The following LRMDA variants were observed in gnomAD, a reference collection of about 807,000 sequenced individuals.
The protein encoded by LRMDA is leucine-rich melanocyte differentiation-associated protein.
LRMDA carries 18 observed loss-of-function variants against 29.8 expected under a neutral mutation model. The observed-to-expected ratio is 0.60, with a 90% CI of 0.42 to 0.90. LRMDA has a LOEUF of 0.90. Ranked by LOEUF, LRMDA falls within the 40% of genes least tolerant of loss-of-function variation. LRMDA has a pLI of 0.00. For synonymous variants in LRMDA, 125 were observed against 109.4 expected (o/e 1.14, Z -0.89); for missense variants, 273 against 273.9 (o/e 1.00, Z 0.02).
At chr10:75,741,364 T>C (rs1356515882) in intron 2 of LRMDA, among the ~76,000 whole-genome samples, 3 of 152,050 alleles carry the variant, frequency 2.0e-5, no homozygotes, top group Non-Finnish European at 4.4e-5. Context: ...CTCTCTCTCA[T>C]GTTGACTCCT....
chr10:75,594,903 T>C (rs947495583), intron 2 of LRMDA, among the ~76,000 whole-genome samples: 12 of 152,182 alleles, frequency 7.9e-5, no homozygotes, highest in Admixed American at 4.6e-4. Context: ...TTTTTTCCTA[T>C]CCATGCCTCA....
intron 6 of LRMDA, among the ~76,000 whole-genome samples, chr10:76,414,124 C>G (rs193067085): frequency 6.6e-6 from 1 of 152,308 alleles, no homozygotes; most frequent in Non-Finnish European, 1.5e-5. Context: ...GCTATATGAA[C>G]TTGGACATGC....
intron 2 of LRMDA, among the ~76,000 whole-genome samples, chr10:75,692,239 T>C (rs1464775725): frequency 7.2e-6 from 1 of 139,056 alleles, no homozygotes; most frequent in African/African-American, 2.8e-5. Context: ...TATATATATA[T>C]ATATATATAC....
intron 5 of LRMDA, among the ~76,000 whole-genome samples, chr10:76,207,670 A>G (rs1413798456): frequency 6.6e-6 from 1 of 152,126 alleles, no homozygotes; most frequent in Non-Finnish European, 1.5e-5. Flanking sequence ...TCCATAAAAT[A>G]TGCTCACTGG....
At chr10:75,788,685 G>A (rs1280359352) in intron 2 of LRMDA, among the ~76,000 whole-genome samples, 1 of 152,210 alleles carries the variant, frequency 6.6e-6, no homozygotes. Flanking sequence ...AACCATTTAC[G>A]AGACACAGCT....
At chr10:75,589,779 G>T (rs34416834) in intron 2 of LRMDA, among the ~76,000 whole-genome samples, 110,062 of 146,764 alleles carry the variant, frequency 0.75, 40,954 homozygotes, top group Middle Eastern at 0.83. Context: ...TATATATATA[G>T]AGAGAGAGAG....
chr10:75,477,346 A>C (rs1282662905), intron 2 of LRMDA, among the ~76,000 whole-genome samples: 1 of 152,152 alleles, frequency 6.6e-6, no homozygotes, highest in Non-Finnish European at 1.5e-5. Context: ...CCTGTCTCCC[A>C]TTCTGAGAAT....
At chr10:76,057,186 C>T (rs1370340590) in intron 4 of LRMDA, among the ~76,000 whole-genome samples, 1 of 152,128 alleles carries the variant, frequency 6.6e-6, no homozygotes, top group Non-Finnish European at 1.5e-5. Flanking sequence ...GTCAGTAGAC[C>T]TCTTGCTCTG....
intron 5 of LRMDA, among the ~76,000 whole-genome samples, chr10:76,216,660 G>A (rs922997016): frequency 6.6e-6 from 1 of 152,112 alleles, no homozygotes; most frequent in Non-Finnish European, 1.5e-5. Context: ...ATCAAATGTT[G>A]GAGAGTATGT....
chr10:75,706,538 T>C (rs911459132), intron 2 of LRMDA, among the ~76,000 whole-genome samples: 1 of 152,262 alleles, frequency 6.6e-6, no homozygotes, highest in South Asian at 2.1e-4. Flanking sequence ...AAAAGTCATG[T>C]GGATGATACT....
intron 2 of LRMDA, among the ~76,000 whole-genome samples, chr10:75,985,979 G>C (rs1304691863): frequency 6.6e-6 from 1 of 152,218 alleles, no homozygotes; most frequent in African/African-American, 2.4e-5. Flanking sequence ...GTATCAACAG[G>C]AGTTGGTCAA....
chr10:75,665,013 C>G (rs111656872), intron 2 of LRMDA, among the ~76,000 whole-genome samples: 1 of 152,148 alleles, frequency 6.6e-6, no homozygotes, highest in African/African-American at 2.4e-5. Context: ...GTGACTTTCC[C>G]TGGCCCATCC....
At chr10:75,698,970 GC>G (rs1842272589) in intron 2 of LRMDA, among the ~76,000 whole-genome samples, 1 of 152,162 alleles carries the variant, frequency 6.6e-6, no homozygotes, top group Non-Finnish European at 1.5e-5. Context: ...GGAGGCTGAG[GC>G]GGGTGGATCA....
At chr10:75,689,079 T>C (rs1209146377) in intron 2 of LRMDA, among the ~76,000 whole-genome samples, 2 of 152,210 alleles carry the variant, frequency 1.3e-5, no homozygotes, top group Admixed American at 6.5e-5. Context: ...GATATTTGCT[T>C]TACTGTGGTG....
At chr10:75,808,394 C>G (rs1843895645) in intron 2 of LRMDA, among the ~76,000 whole-genome samples, 1 of 152,216 alleles carries the variant, frequency 6.6e-6, no homozygotes, top group Non-Finnish European at 1.5e-5. Context: ...TTTTGTGAGG[C>G]ACATCTTAAC....
chr10:75,723,358 C>T (rs1309363626), intron 2 of LRMDA, among the ~76,000 whole-genome samples: 1 of 152,212 alleles, frequency 6.6e-6, no homozygotes, highest in African/African-American at 2.4e-5. Flanking sequence ...AGAAAGTAGA[C>T]AACTGCATGG....
At chr10:75,675,181 C>A (rs2132147368) in intron 2 of LRMDA, among the ~76,000 whole-genome samples, 1 of 152,220 alleles carries the variant, frequency 6.6e-6, no homozygotes. Flanking sequence ...ATGGCTGATA[C>A]AAAGGAAAGC....
chr10:75,580,720 G>C (rs1564806153), intron 2 of LRMDA, among the ~76,000 whole-genome samples: 1 of 152,110 alleles, frequency 6.6e-6, no homozygotes, highest in Non-Finnish European at 1.5e-5. Context: ...CCAAAACAGA[G>C]ATATAGACCA....
At chr10:75,825,829 G>T (rs1844238409) in intron 2 of LRMDA, among the ~76,000 whole-genome samples, 1 of 152,162 alleles carries the variant, frequency 6.6e-6, no homozygotes, top group Non-Finnish European at 1.5e-5. Context: ...TGGGGGTTGA[G>T]AACTCATAAG....
Sources: allele counts gnomAD v4.1 joint callset (sites outside exome capture counted in the v4.1 genomes callset), GRCh38; gene constraint gnomAD v4.1.1; transcripts MANE v1.5; gene names NCBI Gene and HGNC (gene_info 2026-07-23, HGNC 2026-07-21).